TENM1: variants seen among roughly 807,000 people sequenced by gnomAD.
The protein encoded by TENM1 is teneurin-1.
TENM1 carries 35 observed loss-of-function variants against 174.8 expected under a neutral mutation model. The ratio of observed to expected loss-of-function variants is 0.20; its 90% CI spans 0.15 to 0.27. TENM1 has a LOEUF of 0.27. Ranked by LOEUF, TENM1 falls within the 10% of genes least tolerant of loss-of-function variation. The pLI is 1.00. For synonymous variants in TENM1, 781 were observed against 798.7 expected, an observed-to-expected ratio of 0.98 and a Z score of 0.37; for missense variants, 1,633 against 2,130.1, an observed-to-expected ratio of 0.77 and a Z score of 4.59.
chrX:124,478,278 C>CAT (rs776104243), intron 22 of TENM1, among the ~76,000 whole-genome samples: 1 of 112,282 alleles, frequency 8.9e-6, no homozygotes, highest in Admixed American at 9.4e-5. Flanking sequence ...AAAACATGGG[C>CAT]ATTACATGTA....
At chrX:124,648,913 GA>G (rs966736737) in intron 8 of TENM1, among the ~76,000 whole-genome samples, 9 of 111,689 alleles carry the variant, frequency 8.1e-5, no homozygotes, top group Non-Finnish European at 1.7e-4. Context: ...ACTTATTTAA[GA>G]ACTGTCCCTG....
intron 11 of TENM1, among the ~76,000 whole-genome samples, chrX:124,607,770 G>A (rs2050194096): frequency 9.0e-6 from 1 of 111,030 alleles, no homozygotes; most frequent in South Asian, 3.8e-4. Context: ...ACTCTAGGGG[G>A]AAAAGATGGA....
intron 20 of TENM1, among the ~76,000 whole-genome samples, chrX:124,492,825 G>A (rs2047100644): frequency 9.1e-6 from 1 of 110,223 alleles, no homozygotes; most frequent in Admixed American, 9.8e-5. Flanking sequence ...GTGGGAGGCA[G>A]GGAACTCTAA....
chrX:125,099,016 T>C, the TENM1 span, among the ~76,000 whole-genome samples: 2 of 112,040 alleles, frequency 1.8e-5, no homozygotes, highest in East Asian at 5.6e-4. Context: ...TTCAAGGACA[T>C]AAACGTTTAT....
chrX:124,444,181 A>C (rs2060940786), intron 23 of TENM1, among the ~76,000 whole-genome samples: 1 of 111,926 alleles, frequency 8.9e-6, no homozygotes, highest in African/African-American at 3.2e-5. Flanking sequence ...CATCAGATAC[A>C]TAGGCGACAC....
chrX:124,635,189 G>A (rs1026631404), intron 11 of TENM1, among the ~76,000 whole-genome samples: 36 of 111,390 alleles, frequency 3.2e-4, no homozygotes, highest in Non-Finnish European at 7.6e-5. Flanking sequence ...GGGCCATTTT[G>A]CTAATCTTCC....
intron 22 of TENM1, among the ~76,000 whole-genome samples, chrX:124,463,943 G>C (rs1476467814): frequency 9.3e-6 from 1 of 107,347 alleles, no homozygotes; most frequent in African/African-American, 3.4e-5. Flanking sequence ...CACATGTCTT[G>C]TTTTATTTTT....
the TENM1 span, among the ~76,000 whole-genome samples, chrX:125,074,287 C>T: frequency 9.2e-6 from 1 of 108,633 alleles, no homozygotes; most frequent in Non-Finnish European, 1.9e-5. Context: ...TAGATGGGTC[C>T]ACCATATCAC....
intron 4 of TENM1, among the ~76,000 whole-genome samples, chrX:124,715,623 T>C (rs2053162362): frequency 9.1e-6 from 1 of 109,877 alleles, no homozygotes; most frequent in Admixed American, 9.8e-5. Context: ...TTTTTTCCTT[T>C]TCTTTTCTTT....
the TENM1 span, among the ~76,000 whole-genome samples, chrX:125,056,405 CA>C: frequency 2.7e-5 from 3 of 111,593 alleles, no homozygotes; most frequent in Admixed American, 1.9e-4. Context: ...TAAACTGAAA[CA>C]ACTTATCTGT....
In TENM1 at chrX:124,743,520, T is replaced by A. The variant is rs140901856; in HGVS notation, c.536-6323A>T. Among the ~76,000 whole-genome samples, 291 of 111,982 alleles carry A rather than the reference T, an allele frequency of 2.6e-3. 1 individual carries two copies. Among genetic ancestry groups the A allele is most frequent in the African/African-American group, 8.9e-3 (275 of 30,918 alleles). On this transcript the variant is annotated intron_variant, in intron 3 of 31. Coordinates refer to ENST00000422452, the Ensembl canonical transcript of TENM1. Reference sequence around the variant, plus strand: ...GAAGCAGATGACTGAAGGAGAACAGTCACAGAGGCTCTGGGGGAAAGCTAA... The same window carrying A: ...GAAGCAGATGACTGAAGGAGAACAGACACAGAGGCTCTGGGGGAAAGCTAA...
chrX:124,558,643 C>T (rs2048745686), intron 14 of TENM1, among the ~76,000 whole-genome samples: 1 of 111,248 alleles, frequency 9.0e-6, no homozygotes. Flanking sequence ...AATATATTCT[C>T]AGGGGTAATA....
intron 3 of TENM1, among the ~76,000 whole-genome samples, chrX:124,759,982 C>T (rs959043039): frequency 9.0e-6 from 1 of 111,476 alleles, no homozygotes; most frequent in Non-Finnish European, 1.9e-5. Flanking sequence ...AGCCTGAAGG[C>T]TGAAAAACCA....
intron 18 of TENM1, among the ~76,000 whole-genome samples, chrX:124,519,907 C>A (rs1407653358): frequency 1.8e-5 from 2 of 111,630 alleles, no homozygotes; most frequent in African/African-American, 6.5e-5. Context: ...TCTATCTCTG[C>A]CTCATTTTAA....
chrX:125,080,695 G>T, the TENM1 span, among the ~76,000 whole-genome samples: 1 of 110,314 alleles, frequency 9.1e-6, no homozygotes, highest in Non-Finnish European at 1.9e-5. Context: ...CTGCCTTTCT[G>T]GTCTTTTGTC....
intron 22 of TENM1, among the ~76,000 whole-genome samples, chrX:124,471,220 AAT>A (rs67124106): frequency 0.42 from 25,944 of 61,196 alleles, 5,412 homozygotes; most frequent in Non-Finnish European, 0.52. Context: ...TATATATTAT[AAT>A]ATATAGTACT....
At chrX:125,161,854 C>G in the TENM1 span, among the ~76,000 whole-genome samples, 2 of 111,768 alleles carry the variant, frequency 1.8e-5, no homozygotes, top group Non-Finnish European at 3.8e-5. Flanking sequence ...AGACCCAGAC[C>G]CAGGTCCCAG....
chrX:124,710,473 G>A lies in TENM1; in HGVS notation c.777-5222C>T, dbSNP rs370916680. Among the ~76,000 whole-genome samples the A allele has an allele frequency of 1.3e-4, 15 of 111,865 alleles. No individual in the cohort carries two copies. In the East Asian group the frequency reaches 4.2e-3, roughly 31 times the overall value. ...TTGATTTGGTTTGGTATAATATTAA[G>A]AGGTGGAAGGAAGGAAAACAAAAGA... is the stretch of plus-strand genomic sequence containing the variant. On this transcript the variant is annotated intron_variant, in intron 4 of 31. Coordinates refer to ENST00000422452, the Ensembl canonical transcript of TENM1.
At chrX:125,054,999 C>T in the TENM1 span, among the ~76,000 whole-genome samples, 20 of 111,499 alleles carry the variant, frequency 1.8e-4, no homozygotes, top group African/African-American at 5.8e-4. Flanking sequence ...GTAAGGCTTT[C>T]GGAAAATATA....
Sources: gnomAD v4.1 joint callset for allele counts (sites outside exome capture counted in the v4.1 genomes callset) on GRCh38, gnomAD v4.1.1 for gene constraint, MANE v1.5 for transcripts, NCBI Gene and HGNC (gene_info 2026-07-23, HGNC 2026-07-21) for gene names.